CFAP299: variants seen among roughly 807,000 people sequenced by gnomAD.
CFAP299 encodes the protein cilia- and flagella-associated protein 299.
CFAP299 carries 21 observed loss-of-function variants against 27.0 expected under a neutral mutation model. The ratio of observed to expected loss-of-function variants is 0.78; its 90% CI spans 0.55 to 1.12. The LOEUF (loss-of-function observed/expected upper bound fraction) is 1.12, where lower values mean the gene tolerates loss of function less well. CFAP299 is among the 50% of genes most tolerant of loss of function. The pLI is 0.00. For missense variants in CFAP299, 310 were observed against 276.6 expected, an observed-to-expected ratio of 1.12 and a Z score of -0.86; for synonymous variants, 104 against 98.1, an observed-to-expected ratio of 1.06 and a Z score of -0.36.
At chr4:80,927,566 G>A (rs1736368979) in intron 4 of CFAP299, among the ~76,000 whole-genome samples, 1 of 152,072 alleles carries the variant, frequency 6.6e-6, no homozygotes. Context: ...TCACAAGGCT[G>A]AAATCAAGGT....
chr4:80,696,145 C>CA (rs1455958770), intron 3 of CFAP299, among the ~76,000 whole-genome samples: 3 of 151,798 alleles, frequency 2.0e-5, no homozygotes, highest in East Asian at 1.9e-4. Context: ...ACTAAAAATA[C>CA]AAAAAATTAG....
chr4:80,862,803 A>T (rs78845490), intron 3 of CFAP299, among the ~76,000 whole-genome samples: 1 of 152,002 alleles, frequency 6.6e-6, no homozygotes, highest in African/African-American at 2.4e-5. Flanking sequence ...TATATATTTT[A>T]TATATATATG....
intron 3 of CFAP299, among the ~76,000 whole-genome samples, chr4:80,826,006 G>A (rs1250046458): frequency 6.6e-6 from 1 of 151,822 alleles, no homozygotes; most frequent in Non-Finnish European, 1.5e-5. Flanking sequence ...AGAGAAAAAT[G>A]CATTAAGCAA....
intron 4 of CFAP299, among the ~76,000 whole-genome samples, chr4:80,933,790 C>T (rs1026749209): frequency 6.6e-6 from 1 of 151,972 alleles, no homozygotes; most frequent in Non-Finnish European, 1.5e-5. Flanking sequence ...ATCCTGTAAA[C>T]TTACTGAATT....
rs1735811102 is a variant in CFAP299, at chr4:80,917,221, G to A, written c.477-27589G>A. 2.0e-5 allele frequency among the ~76,000 whole-genome samples: 3 copies of A among 152,016 alleles called. No individual in the cohort carries two copies. In the South Asian group the frequency reaches 6.2e-4, roughly 32 times the overall value. ...ATGATGAAGGCAGCACATCCAAACA[G>A]CAATATCTTGGAGGCCATTGAGATA... On this transcript the variant is annotated intron_variant, in intron 4 of 5. Transcript: ENST00000358105.
At chr4:80,386,295 AC>A in intron 2 of CFAP299, 1 of 1,255,078 alleles carries the variant, frequency 8.0e-7, no homozygotes. Context: ...TCCAGGTACC[AC>A]CAGCTCAGAT....
chr4:80,709,247 T>C (rs572196351), intron 3 of CFAP299, among the ~76,000 whole-genome samples: 1 of 152,330 alleles, frequency 6.6e-6, no homozygotes, highest in South Asian at 2.1e-4. Flanking sequence ...AGGATGTGGC[T>C]TCTTTGAAAG....
intron 2 of CFAP299, among the ~76,000 whole-genome samples, chr4:80,448,876 C>G (rs1425312411): frequency 6.6e-6 from 1 of 152,142 alleles, no homozygotes; most frequent in Non-Finnish European, 1.5e-5. Context: ...AATGAAAGTG[C>G]TTGGTGCTGC....
chr4:80,654,526 A>G (rs1244429797), intron 3 of CFAP299, among the ~76,000 whole-genome samples: 1 of 152,196 alleles, frequency 6.6e-6, no homozygotes, highest in Non-Finnish European at 1.5e-5. Flanking sequence ...TAAAATAAAC[A>G]CATAACTGTA....
In CFAP299 at chr4:80,387,444, G is replaced by A. The variant is rs538327512; in HGVS notation, c.242+24560G>A. On this transcript the variant is annotated intron_variant, in intron 2 of 5. Transcript: ENST00000358105. ...TGGAACAAGTAGGAGCTGTAGATGA[G>A]GACTACCTGCTTGGGTTTCCGGCTT... 247 of 844,158 alleles carry A rather than the reference G, an allele frequency of 2.9e-4. 2 individuals carry two copies. In the South Asian group the frequency reaches 3.3e-3, roughly 11 times the overall value. 52.3% of individuals were successfully genotyped at this position (844,158 alleles called of 1,614,324 possible).
chr4:80,754,446 A>AGGC (rs1371976229), intron 3 of CFAP299, among the ~76,000 whole-genome samples: 1 of 152,072 alleles, frequency 6.6e-6, no homozygotes, highest in Admixed American at 6.5e-5. Flanking sequence ...CCTTGGTCTT[A>AGGC]GGCAGCATTT....
chr4:80,443,460 G>A (rs901880055), intron 2 of CFAP299, among the ~76,000 whole-genome samples: 1 of 152,204 alleles, frequency 6.6e-6, no homozygotes, highest in South Asian at 2.1e-4. Flanking sequence ...TGCAGAAAAG[G>A]CCTTCGATAA....
rs574112986 is a variant in CFAP299, at chr4:80,580,545, G to A, written c.243-2548G>A. ...GTTTGGTTTTGAAGCTAGGATTAGTGATTTTAATTCTCAAAAGAGCCTTTA... is the reference window on the plus strand; with the variant it reads ...GTTTGGTTTTGAAGCTAGGATTAGTAATTTTAATTCTCAAAAGAGCCTTTA... On this transcript the variant is annotated intron_variant, in intron 2 of 5. Transcript: ENST00000358105. 3.9e-5 allele frequency among the ~76,000 whole-genome samples: 6 copies of A among 152,036 alleles called. No individual in the cohort carries two copies. The East Asian group carries it at 7.8e-4, about 20-fold the overall frequency.
intron 3 of CFAP299, among the ~76,000 whole-genome samples, chr4:80,795,619 G>A (rs1029606737): frequency 3.3e-5 from 5 of 152,142 alleles, no homozygotes; most frequent in Non-Finnish European, 7.4e-5. Flanking sequence ...CCACTTACTC[G>A]TGTAAGTTGC....
upstream of CFAP299, among the ~76,000 whole-genome samples, chr4:80,331,553 A>T (rs1721940402): frequency 6.6e-6 from 1 of 152,132 alleles, no homozygotes; most frequent in African/African-American, 2.4e-5. Flanking sequence ...CTTCAAGAGA[A>T]GTAATTGAGA....
chr4:80,334,162 C>T (rs143166204), upstream of CFAP299, among the ~76,000 whole-genome samples: 84 of 152,286 alleles, frequency 5.5e-4, no homozygotes, highest in East Asian at 0.01. Context: ...GTAGAGATTA[C>T]TTCATCAAAG....
chr4:80,731,260 G>A (rs1723505271), intron 3 of CFAP299, among the ~76,000 whole-genome samples: 1 of 152,012 alleles, frequency 6.6e-6, no homozygotes, highest in South Asian at 2.1e-4. Flanking sequence ...GGTACGAGGG[G>A]GTCCCATGTT....
At chr4:80,478,294 G>A (rs1578491262) in intron 2 of CFAP299, among the ~76,000 whole-genome samples, 1 of 152,008 alleles carries the variant, frequency 6.6e-6, no homozygotes, top group East Asian at 1.9e-4. Flanking sequence ...TGTTCATCAT[G>A]CATGTTTCTT....
At chr4:80,911,794 A>G (rs1373515730) in intron 4 of CFAP299, among the ~76,000 whole-genome samples, 1 of 152,140 alleles carries the variant, frequency 6.6e-6, no homozygotes, top group Non-Finnish European at 1.5e-5. Context: ...ATAATTTATA[A>G]AAAAAGGAAA....
Sources: gnomAD v4.1 joint callset for allele counts (sites outside exome capture counted in the v4.1 genomes callset) on GRCh38, gnomAD v4.1.1 for gene constraint, MANE v1.5 for transcripts, NCBI Gene and HGNC (gene_info 2026-07-23, HGNC 2026-07-21) for gene names.